Variants in LPXN observed in about 807,000 individuals in gnomAD.
LPXN encodes the protein leupaxin.
In LPXN, 28 loss-of-function variants were observed where a neutral mutation model predicts 45.6. That is an observed-to-expected ratio of 0.61 (90% confidence interval 0.45 to 0.84). LPXN has a LOEUF of 0.84. Among genes scored for constraint, LPXN ranks in the 40% least tolerant of loss-of-function variants. The pLI is 0.00. For synonymous variants in LPXN, 166 were observed against 169.9 expected (o/e 0.98, Z 0.18); for missense variants, 459 against 475.0 (o/e 0.97, Z 0.31).
chr11:58,536,828 C>T (rs897684873), intron 7 of LPXN, among the ~76,000 whole-genome samples: 2 of 151,568 alleles, frequency 1.3e-5, no homozygotes, highest in African/African-American at 4.8e-5. Context: ...AAAAACAACC[C>T]CATCAAAAAG....
intron 7 of LPXN, among the ~76,000 whole-genome samples, chr11:58,546,883 T>C (rs772821588): frequency 1.3e-5 from 2 of 152,162 alleles, no homozygotes; most frequent in Non-Finnish European, 2.9e-5. Flanking sequence ...TCCTCACTCT[T>C]GTTCAGGAGA....
intron 1 of LPXN, among the ~76,000 whole-genome samples, chr11:58,573,828 GTGAGGTCTCT>G (rs1468672487): frequency 6.6e-6 from 1 of 152,174 alleles, no homozygotes; most frequent in Non-Finnish European, 1.5e-5. Context: ...AAGGAGTAAA[GTGAGGTCTCT>G]TGGGAGTCTC....
Position 58,575,744 on chromosome 11 carries a change from C to A in LPXN, c.13+16G>T. On this transcript the variant is annotated intron_variant, in intron 1 of 8. Transcript: ENST00000395074. ...TCTTCACTCCCTCAGAGTTTCTCCT[C>A]AGGCTCCTCACTCACCTAACTCTTC... 4 of 1,614,196 alleles carry A rather than the reference C, an allele frequency of 2.5e-6. No homozygotes were observed. The highest frequency in any genetic ancestry group is 3.4e-6 in the Non-Finnish European group (4 of 1,180,014).
intron 7 of LPXN, among the ~76,000 whole-genome samples, chr11:58,545,050 T>C (rs1416744370): frequency 1.3e-5 from 2 of 152,148 alleles, no homozygotes; most frequent in Non-Finnish European, 2.9e-5. Flanking sequence ...GAACTGATCA[T>C]ATGGCAGGAG....
intron 3 of LPXN, among the ~76,000 whole-genome samples, chr11:58,561,379 A>C (rs1854371260): frequency 6.6e-6 from 1 of 152,332 alleles, no homozygotes; most frequent in East Asian, 1.9e-4. Context: ...AAAATATAAG[A>C]GGAAAATGGA....
At chr11:58,532,334 G>A (rs183536018) in intron 7 of LPXN, among the ~76,000 whole-genome samples, 35 of 152,352 alleles carry the variant, frequency 2.3e-4, no homozygotes, top group African/African-American at 6.0e-4. Flanking sequence ...GTGGGCGCAC[G>A]GCACGAGACT....
intron 7 of LPXN, among the ~76,000 whole-genome samples, chr11:58,531,773 G>A (rs1247521660): frequency 6.6e-6 from 1 of 152,232 alleles, no homozygotes; most frequent in African/African-American, 2.4e-5. Context: ...CACCAAGGTT[G>A]AAATTGAGGT....
chr11:58,542,086 T>C (rs1853743632), intron 7 of LPXN, among the ~76,000 whole-genome samples: 1 of 151,944 alleles, frequency 6.6e-6, no homozygotes, highest in Non-Finnish European at 1.5e-5. Context: ...ATATACCTAA[T>C]GCTAAATGAC....
chr11:58,543,471 C>T (rs1590766702), intron 7 of LPXN, among the ~76,000 whole-genome samples: 1 of 152,088 alleles, frequency 6.6e-6, no homozygotes, highest in Non-Finnish European at 1.5e-5. Flanking sequence ...ATCAGCAATC[C>T]CATTTATGGA....
chr11:58,542,959 T>G (rs1216649602), intron 7 of LPXN, among the ~76,000 whole-genome samples: 1 of 152,220 alleles, frequency 6.6e-6, no homozygotes, highest in Non-Finnish European at 1.5e-5. Context: ...AATTAATCCT[T>G]AAGCACTTAT....
chr11:58,531,028 C>T (rs1437078399), intron 7 of LPXN, among the ~76,000 whole-genome samples: 2 of 152,174 alleles, frequency 1.3e-5, no homozygotes, highest in African/African-American at 2.4e-5. Context: ...AAAGGACATC[C>T]ACTCAGACAC....
Position 58,536,484 on chromosome 11 carries a change from C to T in LPXN, c.743-8293G>A, listed in dbSNP as rs140904660. On this transcript the variant is annotated intron_variant, in intron 7 of 8. Transcript: ENST00000395074. ...CAGAAAACTGAAACTGGACCCCTTC[C>T]TTACACCTTATACAAAAATTAACTC... Among the ~76,000 whole-genome samples the T allele has an allele frequency of 8.3e-4, 126 of 152,290 alleles. 2 individuals are homozygous for T. The East Asian group carries it at 0.019, about 23-fold the overall frequency.
chr11:58,568,122 A>T (rs1479221370), intron 2 of LPXN, among the ~76,000 whole-genome samples: 1 of 152,170 alleles, frequency 6.6e-6, no homozygotes, highest in Non-Finnish European at 1.5e-5. Flanking sequence ...CAGCAGGGGG[A>T]AAAGCCTCAG....
chr11:58,570,664 T>C lies in LPXN; in HGVS notation c.63A>G (p.Glu21=). ...GGGGAAGAGGAGCTGGGTTGGAATA[T>C]TCATCACTGTCCTGAAGGGTGGAGC... The part of the protein sequence containing the change: ...LERSTLQDSD[E]YSNPAPLPLD... The change falls in exon 2 of 9, where the codon GAA becomes GAG. Residue 21 remains glutamate, a synonymous_variant. Transcript: ENST00000395074. The C allele has an allele frequency of 7.4e-6, 12 of 1,613,958 alleles. No homozygotes were observed. Among genetic ancestry groups the C allele is most frequent in the Non-Finnish European group, 1.0e-5 (12 of 1,179,924 alleles).
intron 3 of LPXN, among the ~76,000 whole-genome samples, chr11:58,556,300 T>C (rs1854202834): frequency 6.6e-6 from 1 of 152,060 alleles, no homozygotes; most frequent in Non-Finnish European, 1.5e-5. Flanking sequence ...CACAATGATA[T>C]GTGCTGAAAA....
intron 4 of LPXN, among the ~76,000 whole-genome samples, chr11:58,553,660 C>G (rs2120351365): frequency 6.6e-6 from 1 of 152,262 alleles, no homozygotes; most frequent in Non-Finnish European, 1.5e-5. Context: ...TCCCTGCCCT[C>G]TCCAATCATA....
At chr11:58,570,474 A>C in intron 2 of LPXN, 82 bp downstream of exon 2, 1 of 1,045,022 alleles carries the variant, frequency 9.6e-7, no homozygotes, top group East Asian at 2.4e-5. Context: ...CTCCTTTCAT[A>C]TTATTTTATG....
At chr11:58,557,664 C>A (rs571357918) in intron 3 of LPXN, among the ~76,000 whole-genome samples, 1 of 152,058 alleles carries the variant, frequency 6.6e-6, no homozygotes, top group Non-Finnish European at 1.5e-5. Context: ...GAAATTGTAT[C>A]GTATTTAGGA....
chr11:58,549,663 C>A (rs1273673333), intron 7 of LPXN, 123 bp downstream of exon 7: 14 of 700,396 alleles, frequency 2.0e-5, no homozygotes, highest in Non-Finnish European at 3.2e-5. Flanking sequence ...GTATCTAGTA[C>A]TGAAATGGGC....
Sources: gnomAD v4.1 joint callset for allele counts (sites outside exome capture counted in the v4.1 genomes callset) on GRCh38, gnomAD v4.1.1 for gene constraint, MANE v1.5 for transcripts, NCBI Gene and HGNC (gene_info 2026-07-23, HGNC 2026-07-21) for gene names.